Variants in SYTL5 observed in about 807,000 individuals in gnomAD.
The protein encoded by SYTL5 is synaptotagmin like 5.
A neutral mutation model predicts 55.9 loss-of-function variants in SYTL5; 34 were observed. The observed-to-expected ratio is 0.61, with a 90% CI of 0.46 to 0.81. The LOEUF (loss-of-function observed/expected upper bound fraction) is 0.81, where lower values mean the gene tolerates loss of function less well. SYTL5 is among the 30% of genes least tolerant of loss of function. SYTL5 has a pLI of 0.00. For synonymous variants in SYTL5, 221 were observed against 188.7 expected, an observed-to-expected ratio of 1.17 and a Z score of -1.40; for missense variants, 637 against 546.7, an observed-to-expected ratio of 1.17 and a Z score of -1.65.
At chrX:38,097,281 A>G (rs1482043405) in intron 9 of SYTL5, among the ~76,000 whole-genome samples, 1 of 110,685 alleles carries the variant, frequency 9.0e-6, no homozygotes, top group East Asian at 2.8e-4. Flanking sequence ...CTAAAGAAGA[A>G]AATGACATGA....
intron 8 of SYTL5, among the ~76,000 whole-genome samples, 177 bp from the exon 9 acceptor site, chrX:38,095,957 G>A (rs778239924): frequency 9.0e-6 from 1 of 111,542 alleles, no homozygotes; most frequent in Non-Finnish European, 1.9e-5. Context: ...ATTAAAAATA[G>A]AAGTATGTTA....
intron 9 of SYTL5, among the ~76,000 whole-genome samples, chrX:38,099,170 T>G (rs73632459): frequency 9.0e-6 from 1 of 111,117 alleles, no homozygotes; most frequent in Non-Finnish European, 1.9e-5. Flanking sequence ...TATAAAGTTG[T>G]GGGAGAAAAA....
chrX:37,952,040 A>G, the SYTL5 span, among the ~76,000 whole-genome samples: 1 of 111,011 alleles, frequency 9.0e-6, no homozygotes, highest in Admixed American at 9.6e-5. Context: ...TTTGGAATAT[A>G]GATTTGTAAG....
At chrX:38,001,465 C>T in the SYTL5 span, among the ~76,000 whole-genome samples, 1 of 111,581 alleles carries the variant, frequency 9.0e-6, no homozygotes, top group Non-Finnish European at 1.9e-5. Flanking sequence ...CCTTCCTGGC[C>T]TCTGGTAAAC....
At chrX:38,005,696 A>G (rs1462732099), upstream of SYTL5, among the ~76,000 whole-genome samples, 1 of 111,450 alleles carries the variant, frequency 9.0e-6, no homozygotes, top group Non-Finnish European at 1.9e-5. Flanking sequence ...CAAAACATGT[A>G]TCTCTAAACT....
At chrX:37,899,931 A>G in the SYTL5 span, among the ~76,000 whole-genome samples, 2 of 112,292 alleles carry the variant, frequency 1.8e-5, no homozygotes, top group South Asian at 7.4e-4. Context: ...AACAAGCAAC[A>G]CTTCAGAGAG....
chrX:37,986,398 C>T, the SYTL5 span, among the ~76,000 whole-genome samples: 1 of 110,750 alleles, frequency 9.0e-6, no homozygotes, highest in East Asian at 2.8e-4. Context: ...CTGCATGTAC[C>T]GGTAATTAGA....
upstream of SYTL5, among the ~76,000 whole-genome samples, chrX:38,005,894 T>A (rs1327771933): frequency 2.7e-5 from 3 of 111,593 alleles, no homozygotes; most frequent in African/African-American, 6.5e-5. Context: ...GCAGAAGTGA[T>A]CTTAACAAAA....
chrX:37,932,585 A>G, the SYTL5 span, among the ~76,000 whole-genome samples: 1 of 112,138 alleles, frequency 8.9e-6, no homozygotes, highest in Non-Finnish European at 1.9e-5. Context: ...GGCAGTCACA[A>G]TGACTCTGGT....
chrX:37,921,136 C>T, the SYTL5 span, among the ~76,000 whole-genome samples: 10 of 111,487 alleles, frequency 9.0e-5, no homozygotes, highest in East Asian at 2.8e-3. Flanking sequence ...CACAACAACC[C>T]TAAGAGTAAG....
chrX:37,939,167 A>G, the SYTL5 span, among the ~76,000 whole-genome samples: 63 of 109,394 alleles, frequency 5.8e-4, no homozygotes, highest in Middle Eastern at 4.7e-3. Flanking sequence ...AGGCTGAGGC[A>G]GGAGAATCAC....
the SYTL5 span, among the ~76,000 whole-genome samples, chrX:37,943,783 C>T: frequency 3.6e-5 from 4 of 111,119 alleles, no homozygotes; most frequent in East Asian, 1.1e-3. Flanking sequence ...CTTTAACAAG[C>T]CACTTAATGT....
the SYTL5 span, among the ~76,000 whole-genome samples, chrX:37,891,903 G>C: frequency 2.7e-5 from 3 of 111,567 alleles, no homozygotes; most frequent in Non-Finnish European, 3.8e-5. Flanking sequence ...AATTCTTAGG[G>C]AAAAAAGCTT....
chrX:38,060,052 G>A (rs369941385), intron 3 of SYTL5, among the ~76,000 whole-genome samples: 3 of 110,963 alleles, frequency 2.7e-5, no homozygotes, highest in Non-Finnish European at 3.8e-5. Flanking sequence ...CTTCTGTACC[G>A]GGAGAAGAAT....
chrX:38,099,540 C>T (rs185954422), intron 9 of SYTL5, among the ~76,000 whole-genome samples: 26 of 111,411 alleles, frequency 2.3e-4, no homozygotes, highest in African/African-American at 8.4e-4. Context: ...GACAATTTTA[C>T]TTCTTCCTTT....
the SYTL5 span, among the ~76,000 whole-genome samples, chrX:37,950,568 T>C: frequency 9.0e-6 from 1 of 111,573 alleles, no homozygotes; most frequent in African/African-American, 3.2e-5. Context: ...ATTCTGTTTA[T>C]AACCGAGAAG....
chrX:38,006,274 T>G (rs1290023355), upstream of SYTL5, among the ~76,000 whole-genome samples: 1 of 111,882 alleles, frequency 8.9e-6, no homozygotes, highest in Non-Finnish European at 1.9e-5. Flanking sequence ...TCCCAGGTTT[T>G]TTAAGAATAG....
chrX:38,109,239 A>G (rs1167021370), intron 12 of SYTL5, among the ~76,000 whole-genome samples: 1 of 112,341 alleles, frequency 8.9e-6, no homozygotes, highest in Admixed American at 9.4e-5. Flanking sequence ...ATCCAGGTCA[A>G]TGATCCAGAA....
chrX:38,066,006 G>A (rs772264853), intron 3 of SYTL5, among the ~76,000 whole-genome samples: 1 of 110,529 alleles, frequency 9.0e-6, no homozygotes, highest in Non-Finnish European at 1.9e-5. Flanking sequence ...AGGCTGAGGC[G>A]GGAGAATCGC....
Sources: allele counts gnomAD v4.1 joint callset (sites outside exome capture counted in the v4.1 genomes callset), GRCh38; gene constraint gnomAD v4.1.1; transcripts MANE v1.5; gene names NCBI Gene and HGNC (gene_info 2026-07-23, HGNC 2026-07-21).